The following SDK1 variants were observed in gnomAD, a reference collection of about 807,000 sequenced individuals.
SDK1 encodes sidekick cell adhesion molecule 1, also known as protein sidekick-1.
In SDK1, 157 loss-of-function variants were observed where a neutral mutation model predicts 245.5. The ratio of observed to expected loss-of-function variants is 0.64; its 90% confidence interval spans 0.56 to 0.73. The LOEUF is 0.73. Among genes scored for constraint, SDK1 ranks in the 30% least tolerant of loss-of-function variants. The pLI, the probability that SDK1 is intolerant of heterozygous loss-of-function variation, is 0.00. For synonymous variants in SDK1, 1,647 were observed against 1,278.5 expected, an observed-to-expected ratio of 1.29 and a Z score of -6.15; for missense variants, 3,583 against 3,002.3, an observed-to-expected ratio of 1.19 and a Z score of -4.52.
chr7:3,915,772 G>A (rs138105021), intron 5 of SDK1, among the ~76,000 whole-genome samples: 6 of 152,266 alleles, frequency 3.9e-5, no homozygotes, highest in East Asian at 1.9e-4. Context: ...ACCAAGTCAC[G>A]TGCTGACTGA....
At chr7:3,902,572 A>T (rs1781826874) in intron 5 of SDK1, among the ~76,000 whole-genome samples, 1 of 151,900 alleles carries the variant, frequency 6.6e-6, no homozygotes, top group Admixed American at 6.6e-5. Context: ...TACCTATTTG[A>T]TGTATAGCTA....
intron 1 of SDK1, among the ~76,000 whole-genome samples, chr7:3,556,990 A>C (rs1779608075): frequency 6.6e-6 from 1 of 151,310 alleles, no homozygotes; most frequent in South Asian, 2.1e-4. Context: ...CAAAAATTAA[A>C]AATATTAAAA....
chr7:4,256,396 G>C (rs1383864607), intron 44 of SDK1, among the ~76,000 whole-genome samples: 1 of 152,216 alleles, frequency 6.6e-6, no homozygotes, highest in African/African-American at 2.4e-5. Flanking sequence ...TTGGCCTGGT[G>C]CCTTAACTCC....
chr7:3,681,543 A>G (rs1257540056), intron 4 of SDK1, among the ~76,000 whole-genome samples: 5 of 152,304 alleles, frequency 3.3e-5, no homozygotes, highest in East Asian at 1.9e-4. Context: ...TTTCAAAATG[A>G]TTTTCTTAAC....
At chr7:3,614,302 G>A (rs938463184) in intron 1 of SDK1, among the ~76,000 whole-genome samples, 5 of 152,100 alleles carry the variant, frequency 3.3e-5, no homozygotes, top group African/African-American at 1.2e-4. Flanking sequence ...CTTTTCCTTA[G>A]TAATTTATTC....
chr7:3,306,064 C>T (rs980132931), intron 1 of SDK1, among the ~76,000 whole-genome samples: 3 of 152,130 alleles, frequency 2.0e-5, no homozygotes, highest in Non-Finnish European at 4.4e-5. Context: ...TCCCATGTAG[C>T]CTCTGCCTTT....
At chr7:3,628,468 G>A (rs947619224) in intron 2 of SDK1, among the ~76,000 whole-genome samples, 5 of 152,162 alleles carry the variant, frequency 3.3e-5, no homozygotes, top group African/African-American at 1.2e-4. Flanking sequence ...CCCTTCTGCA[G>A]AAGGCATGAT....
chr7:3,387,336 TCTC>T (rs1433480852), intron 1 of SDK1, among the ~76,000 whole-genome samples: 1 of 152,136 alleles, frequency 6.6e-6, no homozygotes, highest in Admixed American at 6.5e-5. Context: ...AGATTCCTCA[TCTC>T]CTCAAAGTCC....
intron 5 of SDK1, among the ~76,000 whole-genome samples, chr7:3,892,156 A>G (rs1466419733): frequency 1.3e-5 from 2 of 152,168 alleles, no homozygotes; most frequent in African/African-American, 4.8e-5. Context: ...CCAATGACCC[A>G]TATTTCAGGT....
At chr7:3,832,627 C>G (rs535163551) in intron 5 of SDK1, among the ~76,000 whole-genome samples, 7 of 152,124 alleles carry the variant, frequency 4.6e-5, no homozygotes, top group African/African-American at 1.7e-4. Flanking sequence ...TTTCCAAGAA[C>G]ACTTCGTATC....
chr7:3,348,881 A>G (rs1780579771), intron 1 of SDK1, among the ~76,000 whole-genome samples: 1 of 152,182 alleles, frequency 6.6e-6, no homozygotes, highest in African/African-American at 2.4e-5. Context: ...TATCTATAGC[A>G]AGTTCCAGTC....
chr7:3,535,101 C>G (rs535362752), intron 1 of SDK1, among the ~76,000 whole-genome samples: 1 of 152,086 alleles, frequency 6.6e-6, no homozygotes, highest in Non-Finnish European at 1.5e-5. Flanking sequence ...TGGTGAAACC[C>G]CGTCTCTACT....
At chr7:3,554,088 C>G (rs1171732146) in intron 1 of SDK1, among the ~76,000 whole-genome samples, 1 of 152,144 alleles carries the variant, frequency 6.6e-6, no homozygotes, top group Admixed American at 6.5e-5. Flanking sequence ...AAGGTCTGAA[C>G]AACACAATCA....
At chr7:3,867,738 C>A (rs1488642709) in intron 5 of SDK1, among the ~76,000 whole-genome samples, 1 of 152,218 alleles carries the variant, frequency 6.6e-6, no homozygotes, top group African/African-American at 2.4e-5. Context: ...CAAAGCACAT[C>A]ACTTAAAATA....
At position 4,265,317 on chromosome 7, in the gene SDK1, G is replaced by A; in HGVS notation, c.6575G>A (p.Gly2192Asp). The stretch of plus-strand genomic sequence containing the variant: ...CCGGTCATCACCACGCAGAGCGCGG[G>A]CGGCGTCTACACCCCCGCTGGCCCC... ...LHPVITTQSA[G>D]GVYTPAGPGA... is the part of the protein sequence containing the mutation. Residue 2192 changes from glycine to aspartate, a missense_variant, in exon 45 of 45, where the codon GGC becomes GAC. Physicochemically the swap from Gly to Asp is moderately conservative, Grantham distance 94. Coordinates refer to ENST00000404826, the MANE Select transcript of SDK1 (RefSeq NM_152744.4). The A allele has an allele frequency of 6.5e-7, 1 of 1,545,998 alleles. No individual in the cohort carries two copies. Among genetic ancestry groups the A allele is most frequent in the African/African-American group, 1.4e-5 (1 of 72,994 alleles).
chr7:3,650,435 G>A (rs1782976809), intron 4 of SDK1, among the ~76,000 whole-genome samples: 1 of 152,156 alleles, frequency 6.6e-6, no homozygotes, highest in Non-Finnish European at 1.5e-5. Flanking sequence ...ATTATCTTGT[G>A]TGAATGGAAT....
At position 4,002,385 on chromosome 7, in the gene SDK1, T is replaced by C. The variant is rs188308952; in HGVS notation, c.2132-8581T>C. ...ATTTCTGTTCATGTGACGACAGTAATTTAAGGGCGCTTTAATATAGAGGAG... is the reference window on the plus strand; with the variant it reads ...ATTTCTGTTCATGTGACGACAGTAACTTAAGGGCGCTTTAATATAGAGGAG... On this transcript the variant is annotated intron_variant, in intron 14 of 44. Transcript: ENST00000404826. 3.8e-3 allele frequency among the ~76,000 whole-genome samples: 582 copies of C among 152,312 alleles called. 11 individuals carry two copies. The South Asian group carries it at 0.053, about 14-fold the overall frequency.
chr7:3,485,683 G>GTTTTTTTTTTTTTTTTTTTTTTTTTT lies in SDK1; in HGVS notation c.299-133375_299-133374insTTTTTTTTTTTTTTTTTTTTTTTTTT, dbSNP rs71552309. ...GTGCTGAGGGGATGATCTTTGGAGG[G>GTTTTTTTTTTTTTTTTTTTTTTTTTT]TTTTTTTTTTTTTTTTTTTTTTGAG... On this transcript the variant is annotated intron_variant, in intron 1 of 44. Coordinates refer to ENST00000404826, the MANE Select transcript of SDK1 (RefSeq NM_152744.4). Among the ~76,000 whole-genome samples the GTTTTTTTTTTTTTTTTTTTTTTTTTT allele has an allele frequency of 2.9e-4, 11 of 38,172 alleles. 2 individuals carry two copies. Among genetic ancestry groups the GTTTTTTTTTTTTTTTTTTTTTTTTTT allele is most frequent in the East Asian group, 9.0e-4 (1 of 1,112 alleles). 25.0% of individuals were successfully genotyped at this position (38,172 alleles called of 152,430 possible).
chr7:3,845,326 C>T (rs1181582813), intron 5 of SDK1, among the ~76,000 whole-genome samples: 1 of 151,860 alleles, frequency 6.6e-6, no homozygotes, highest in African/African-American at 2.4e-5. Context: ...CCTGTCTCTA[C>T]TAAAAATACA....
Sources: allele counts gnomAD v4.1 joint callset (sites outside exome capture counted in the v4.1 genomes callset), GRCh38; gene constraint gnomAD v4.1.1; transcripts MANE v1.5; gene names NCBI Gene and HGNC (gene_info 2026-07-23, HGNC 2026-07-21).